TTC7B: variants seen among roughly 807,000 people sequenced by gnomAD.
TTC7B encodes the protein tetratricopeptide repeat protein 7B.
Under a neutral mutation model 106.8 loss-of-function variants are expected in TTC7B, and 28 were observed. The ratio of observed to expected loss-of-function variants is 0.26; its 90% confidence interval spans 0.19 to 0.36. TTC7B has a LOEUF of 0.36. Among genes scored for constraint, TTC7B ranks in the 10% least tolerant of loss-of-function variants. The pLI is 1.00. For synonymous variants in TTC7B, 405 were observed against 430.6 expected (o/e 0.94, Z 0.74); for missense variants, 862 against 1,076.4 (o/e 0.80, Z 2.79).
intron 1 of TTC7B, among the ~76,000 whole-genome samples, chr14:90,798,573 G>A (rs1046903439): frequency 1.3e-5 from 2 of 152,026 alleles, no homozygotes; most frequent in African/African-American, 4.8e-5. Flanking sequence ...TAGCTGGTAT[G>A]GTGGCAGGTG....
At chr14:90,603,118 GC>G (rs1892497129) in intron 17 of TTC7B, 1 of 493,956 alleles carries the variant, frequency 2.0e-6, no homozygotes, top group African/African-American at 2.0e-5. Context: ...GGCAGAGTGG[GC>G]AGGCAGGTGG....
In TTC7B at chr14:90,635,120, C is replaced by T. The variant is rs189207498; in HGVS notation, c.1751+8928G>A. 6.7e-3 allele frequency among the ~76,000 whole-genome samples: 1,014 copies of T among 152,240 alleles called. 19 individuals are homozygous for T. The highest frequency in any genetic ancestry group is 0.023 in the African/African-American group (962 of 41,530). ...AATGTTTGAGCCTAGAATTGTACATCCAATTTGAAAAACTTCTTTGGACAG... is the reference window on the plus strand; with the variant it reads ...AATGTTTGAGCCTAGAATTGTACATTCAATTTGAAAAACTTCTTTGGACAG... On this transcript the variant is annotated intron_variant, in intron 15 of 19. Transcript: ENST00000328459.
intron 13 of TTC7B, among the ~76,000 whole-genome samples, chr14:90,647,960 G>A (rs567772117): frequency 3.9e-5 from 6 of 152,080 alleles, no homozygotes; most frequent in Non-Finnish European, 7.4e-5. Flanking sequence ...AAACAAATTC[G>A]AGATAAAAAA....
intron 9 of TTC7B, among the ~76,000 whole-genome samples, chr14:90,664,355 C>T (rs548688368): frequency 5.9e-5 from 9 of 152,182 alleles, no homozygotes; most frequent in East Asian, 1.9e-4. Context: ...GTGCAAGCTC[C>T]GCCTCCTGGG....
intron 1 of TTC7B, among the ~76,000 whole-genome samples, chr14:90,793,556 T>G (rs976905596): frequency 6.6e-6 from 1 of 151,292 alleles, no homozygotes; most frequent in Non-Finnish European, 1.5e-5. Flanking sequence ...CTTTCCTTTA[T>G]AAATTACCCA....
Position 90,527,601 on chromosome 14 carries a change from C to T in TTC7B, c.*13767G>A, listed in dbSNP as rs1384849377. ...TTGAGATGGAGTCTCACTCTGTCGC[C>T]CAGGTGGGAGTGCAATGGCGCCATC... is the stretch of plus-strand genomic sequence containing the variant. On this transcript the variant is annotated 3_prime_UTR_variant, in exon 20 of 20. Transcript: ENST00000328459. The T allele has an allele frequency of 6.6e-6, 1 of 150,642 alleles. No individual in the cohort carries two copies. Among genetic ancestry groups the T allele is most frequent in the Non-Finnish European group, 1.5e-5 (1 of 67,748 alleles). The allele number at this position is 150,642 out of a possible 1,614,324, so 9.3% of individuals were successfully genotyped here.
In TTC7B at chr14:90,770,696, G is replaced by C. The variant is rs144281456; in HGVS notation, c.445+10042C>G. Among the ~76,000 whole-genome samples, 855 of 151,270 alleles carry C rather than the reference G, an allele frequency of 5.7e-3. 2 individuals are homozygous for C. The highest frequency in any genetic ancestry group is 0.01 in the Non-Finnish European group (682 of 67,844). On this transcript the variant is annotated intron_variant, in intron 3 of 19. Coordinates refer to ENST00000328459, the MANE Select transcript of TTC7B (RefSeq NM_001010854.2). ...ACAACCAGACAGAAGTAAGGACATA[G>C]AGGACTTAAAACACAATAAACCAAC...
At chr14:90,686,254 A>G (rs1489291162) in intron 7 of TTC7B, among the ~76,000 whole-genome samples, 1 of 152,224 alleles carries the variant, frequency 6.6e-6, no homozygotes, top group African/African-American at 2.4e-5. Flanking sequence ...ATTGATGCAG[A>G]AAAAGCAGTT....
intron 15 of TTC7B, among the ~76,000 whole-genome samples, chr14:90,637,111 G>C (rs895198472): frequency 6.6e-6 from 1 of 151,708 alleles, no homozygotes; most frequent in Non-Finnish European, 1.5e-5. Context: ...TTGTTTGAAA[G>C]GATCCATGTA....
chr14:90,573,357 C>T (rs1021953717), intron 19 of TTC7B, among the ~76,000 whole-genome samples: 1 of 149,180 alleles, frequency 6.7e-6, no homozygotes, highest in East Asian at 2.0e-4. Context: ...GGTCCCTCTC[C>T]GGCTCACGGT....
intron 1 of TTC7B, among the ~76,000 whole-genome samples, chr14:90,795,125 T>C (rs1472507061): frequency 6.6e-6 from 1 of 151,764 alleles, no homozygotes; most frequent in Non-Finnish European, 1.5e-5. Context: ...GAATTAAATA[T>C]AAAACAAGAT....
In TTC7B at chr14:90,524,682, T is replaced by A. The variant is rs1464089997; in HGVS notation, c.*16686A>T. On this transcript the variant is annotated 3_prime_UTR_variant, in exon 20 of 20. Transcript: ENST00000328459. ...CCCTGGAGTGGCCTCGCACCGTCCA[T>A]CCCCGGAGGGGCAGTAGCCTGGGCC... is the stretch of plus-strand genomic sequence containing the variant. 1 of 152,228 alleles carries A rather than the reference T, an allele frequency of 6.6e-6. No individual in the cohort carries two copies. The highest frequency in any genetic ancestry group is 2.4e-5 in the African/African-American group (1 of 41,464). 9.4% of individuals were successfully genotyped at this position (152,228 alleles called of 1,614,324 possible). A position where few individuals can be genotyped will look rare whatever the true frequency, so the allele number is the denominator to read the frequency against.
chr14:90,758,357 G>A (rs1480246295), intron 3 of TTC7B, among the ~76,000 whole-genome samples: 3 of 135,858 alleles, frequency 2.2e-5, no homozygotes, highest in South Asian at 4.9e-4. Context: ...GCGGCGGGGC[G>A]AGAGCGCAAG....
intron 3 of TTC7B, chr14:90,766,950 C>G: frequency 6.8e-7 from 1 of 1,481,080 alleles, no homozygotes; most frequent in Non-Finnish European, 9.4e-7. Flanking sequence ...AGACCACTGG[C>G]CGCCATGGCC....
chr14:90,791,552 A>T (rs8019269), intron 1 of TTC7B, among the ~76,000 whole-genome samples: 113,371 of 152,044 alleles, frequency 0.75, 45,049 homozygotes, highest in Non-Finnish European at 0.89. Flanking sequence ...AAGACTACAC[A>T]TCCCAGGCTC....
chr14:90,629,834 A>T (rs745581645), intron 15 of TTC7B, among the ~76,000 whole-genome samples: 3 of 152,252 alleles, frequency 2.0e-5, no homozygotes, highest in African/African-American at 7.2e-5. Context: ...CCCGGCGGTC[A>T]GCCAGTGCTC....
At chr14:90,697,926 C>G (rs899354514) in intron 5 of TTC7B, 1 of 152,214 alleles carries the variant, frequency 6.6e-6, no homozygotes, top group African/African-American at 2.4e-5. Context: ...GATTCAGAAG[C>G]AAATTCTTCC....
chr14:90,633,532 C>T (rs1286437), intron 15 of TTC7B, among the ~76,000 whole-genome samples: 59,940 of 151,936 alleles, frequency 0.39, 12,042 homozygotes, highest in Middle Eastern at 0.47. Context: ...AGACAAAAAA[C>T]AACAAACTGT....
chr14:90,716,778 C>A (rs1002222673), intron 5 of TTC7B, among the ~76,000 whole-genome samples: 5 of 152,112 alleles, frequency 3.3e-5, no homozygotes, highest in Non-Finnish European at 7.3e-5. Flanking sequence ...CTGCTTATTT[C>A]CAGGATGCAG....
Sources: gnomAD v4.1 joint callset for allele counts (sites outside exome capture counted in the v4.1 genomes callset) on GRCh38, gnomAD v4.1.1 for gene constraint, MANE v1.5 for transcripts, NCBI Gene and HGNC (gene_info 2026-07-23, HGNC 2026-07-21) for gene names.